SHC3: variants seen among roughly 807,000 people sequenced by gnomAD.
The protein encoded by SHC3 is SHC-transforming protein 3.
SHC3 carries 15 observed loss-of-function variants against 60.4 expected under a neutral mutation model. That is an observed-to-expected ratio of 0.25 (90% CI 0.17 to 0.38). The LOEUF is 0.38. SHC3 is among the 10% of genes least tolerant of loss of function. The pLI is 1.00. For missense variants in SHC3, 677 were observed against 786.1 expected (o/e 0.86, Z 1.66); for synonymous variants, 294 against 325.9 (o/e 0.90, Z 1.05).
At chr9:89,077,556 A>C (rs958666759) in intron 3 of SHC3, among the ~76,000 whole-genome samples, 1 of 152,240 alleles carries the variant, frequency 6.6e-6, no homozygotes, top group East Asian at 1.9e-4. Context: ...AAAGTGCTTA[A>C]AGGAAAGCCT....
At chr9:89,090,764 A>G (rs766778609) in intron 2 of SHC3, among the ~76,000 whole-genome samples, 2 of 152,214 alleles carry the variant, frequency 1.3e-5, no homozygotes, top group Non-Finnish European at 2.9e-5. Context: ...AGAAATCAAC[A>G]TGGGTGGTAT....
chr9:89,068,494 A>G (rs1224433415), intron 5 of SHC3, among the ~76,000 whole-genome samples: 2 of 152,356 alleles, frequency 1.3e-5, no homozygotes, highest in Non-Finnish European at 2.9e-5. Flanking sequence ...TTACAAATCA[A>G]TTTGGAATGT....
At chr9:89,154,664 A>C (rs1003312843) in intron 1 of SHC3, among the ~76,000 whole-genome samples, 5 of 152,210 alleles carry the variant, frequency 3.3e-5, no homozygotes, top group Non-Finnish European at 7.3e-5. Flanking sequence ...TATTAATATA[A>C]ATGCCATATA....
At chr9:89,176,154 G>C (rs1369190500) in intron 1 of SHC3, among the ~76,000 whole-genome samples, 4 of 152,098 alleles carry the variant, frequency 2.6e-5, no homozygotes, top group African/African-American at 9.7e-5. Context: ...CCTTAAATTT[G>C]AGGCAACACA....
At chr9:89,052,232 G>A in intron 6 of SHC3, 69 bp from the exon 7 acceptor site, 1 of 1,589,020 alleles carries the variant, frequency 6.3e-7, no homozygotes, top group Non-Finnish European at 8.6e-7. Context: ...TCTACAAAGA[G>A]CCCTTGCTGA....
intron 6 of SHC3, among the ~76,000 whole-genome samples, chr9:89,057,952 C>G (rs899398194): frequency 2.0e-5 from 3 of 152,032 alleles, no homozygotes; most frequent in Admixed American, 2.0e-4. Flanking sequence ...GAAGAGGGGC[C>G]CAAACATATA....
chr9:89,127,374 T>G (rs1299287647), intron 1 of SHC3, among the ~76,000 whole-genome samples: 1 of 152,174 alleles, frequency 6.6e-6, no homozygotes, highest in East Asian at 1.9e-4. Flanking sequence ...TTAAAAGAAT[T>G]TTTTTAAAAC....
At chr9:89,046,806 C>T (rs2117908931) in intron 8 of SHC3, 38 bp downstream of exon 8, 1 of 1,462,732 alleles carries the variant, frequency 6.8e-7, no homozygotes, top group Non-Finnish European at 9.1e-7. Flanking sequence ...TAGAGTTAGC[C>T]TCCATTCCTT....
chr9:89,145,122 T>C (rs1297165359), intron 1 of SHC3, among the ~76,000 whole-genome samples: 1 of 152,084 alleles, frequency 6.6e-6, no homozygotes, highest in Non-Finnish European at 1.5e-5. Flanking sequence ...ACAGAAGAGT[T>C]GTAAAGAATA....
chr9:89,103,579 T>C (rs1050678199), intron 2 of SHC3, among the ~76,000 whole-genome samples: 1 of 152,172 alleles, frequency 6.6e-6, no homozygotes, highest in Non-Finnish European at 1.5e-5. Context: ...ATTTGTGACT[T>C]ATATACCTGG....
chr9:89,105,725 A>G (rs1195647055), intron 2 of SHC3, among the ~76,000 whole-genome samples: 5 of 152,202 alleles, frequency 3.3e-5, no homozygotes, highest in African/African-American at 1.2e-4. Flanking sequence ...CATCCTCATC[A>G]TCATCATTAG....
chr9:89,164,043 G>C (rs1826749795), intron 1 of SHC3, among the ~76,000 whole-genome samples: 1 of 152,006 alleles, frequency 6.6e-6, no homozygotes, highest in African/African-American at 2.4e-5. Flanking sequence ...ATCGAATTAG[G>C]GTTTAGGATT....
At chr9:89,018,415 C>A (rs1826132975) in intron 11 of SHC3, among the ~76,000 whole-genome samples, 1 of 152,258 alleles carries the variant, frequency 6.6e-6, no homozygotes, top group Non-Finnish European at 1.5e-5. Context: ...ACCACATGCC[C>A]TCACTCATAA....
intron 4 of SHC3, 45 bp from the exon 5 acceptor site, chr9:89,071,297 T>C (rs777472630): frequency 6.2e-7 from 1 of 1,602,428 alleles, no homozygotes; most frequent in East Asian, 2.2e-5. Context: ...TTATCGCCCT[T>C]TCCACATTTT....
intron 10 of SHC3, among the ~76,000 whole-genome samples, chr9:89,039,547 C>T (rs183319122): frequency 2.1e-4 from 32 of 152,262 alleles, no homozygotes; most frequent in African/African-American, 7.0e-4. Flanking sequence ...TCATCAACAT[C>T]GTCAGCATCA....
chr9:89,014,261 C>T (rs548878924), intron 11 of SHC3, among the ~76,000 whole-genome samples: 1 of 152,206 alleles, frequency 6.6e-6, no homozygotes, highest in Non-Finnish European at 1.5e-5. Flanking sequence ...GGAGGTTGAA[C>T]ACTCTGCCCT....
intron 11 of SHC3, among the ~76,000 whole-genome samples, chr9:89,016,549 A>G (rs1826097427): frequency 6.6e-6 from 1 of 152,204 alleles, no homozygotes; most frequent in Middle Eastern, 3.2e-3. Flanking sequence ...TCTGAAACAG[A>G]AAACACAAGG....
intron 6 of SHC3, among the ~76,000 whole-genome samples, chr9:89,064,136 C>T (rs576821938): frequency 8.5e-5 from 13 of 152,216 alleles, no homozygotes; most frequent in Admixed American, 5.9e-4. Context: ...CCCTCATGAC[C>T]TAATGACCTC....
intron 11 of SHC3, among the ~76,000 whole-genome samples, chr9:89,033,687 G>A (rs1461237857): frequency 6.6e-6 from 1 of 152,036 alleles, no homozygotes; most frequent in Non-Finnish European, 1.5e-5. Flanking sequence ...ACCCTCATGG[G>A]GAATACAGTC....
Sources: allele counts gnomAD v4.1 joint callset (sites outside exome capture counted in the v4.1 genomes callset), GRCh38; gene constraint gnomAD v4.1.1; transcripts MANE v1.5; gene names NCBI Gene and HGNC (gene_info 2026-07-23, HGNC 2026-07-21).